ADAMTS14: variants seen among roughly 807,000 people sequenced by gnomAD.
ADAMTS14 encodes the protein A disintegrin and metalloproteinase with thrombospondin motifs 14.
A neutral mutation model predicts 128.6 loss-of-function variants in ADAMTS14; 100 were observed. The ratio of observed to expected loss-of-function variants is 0.78; its 90% CI spans 0.66 to 0.92. ADAMTS14 has a LOEUF of 0.92. ADAMTS14 is among the 40% of genes least tolerant of loss of function. The pLI is 0.00. For missense variants in ADAMTS14, 1,562 were observed against 1,658.6 expected (o/e 0.94, Z 1.01); for synonymous variants, 665 against 653.8 (o/e 1.02, Z -0.26).
rs1841557034 is a variant in ADAMTS14, at chr10:70,729,432, A to T, written c.954+55A>T. 2.1e-6 allele frequency: 3 copies of T among 1,447,202 alleles called. No homozygotes were observed. In the East Asian group the frequency reaches 6.8e-5, roughly 33 times the overall value. 89.6% of individuals were successfully genotyped at this position (1,447,202 alleles called of 1,614,324 possible). The stretch of plus-strand genomic sequence containing the variant: ...GCGGGGAGAAGGGTTGTGGGGCCAG[A>T]GTGTTGGACCAGCAATGGTGTGGGC... On this transcript the variant is annotated intron_variant, in intron 5 of 21. Coordinates refer to ENST00000373207, the MANE Select transcript of ADAMTS14 (RefSeq NM_080722.4).
chr10:70,694,861 A>T (rs1464120761), intron 2 of ADAMTS14, among the ~76,000 whole-genome samples: 3 of 152,186 alleles, frequency 2.0e-5, no homozygotes, highest in South Asian at 2.1e-4. Context: ...TTGCGTGGAC[A>T]TATGTTTTCT....
At chr10:70,719,574 ATTT>A (rs1241539492) in intron 4 of ADAMTS14, among the ~76,000 whole-genome samples, 2 of 143,558 alleles carry the variant, frequency 1.4e-5, no homozygotes, top group Non-Finnish European at 1.6e-5. Flanking sequence ...GCTAATTTTT[ATTT>A]TTTTTTTTAA....
chr10:70,708,052 C>T (rs965903819), intron 3 of ADAMTS14, among the ~76,000 whole-genome samples: 4 of 152,176 alleles, frequency 2.6e-5, no homozygotes, highest in Non-Finnish European at 4.4e-5. Flanking sequence ...GGCAGAGCAG[C>T]GATGGTGAAA....
chr10:70,681,230 T>C (rs1371491763), intron 2 of ADAMTS14, among the ~76,000 whole-genome samples: 1 of 152,112 alleles, frequency 6.6e-6, no homozygotes, highest in Non-Finnish European at 1.5e-5. Flanking sequence ...AGGGGTGGCT[T>C]GGAGGTGAGT....
chr10:70,674,061 C>T (rs757967285), intron 1 of ADAMTS14, among the ~76,000 whole-genome samples: 19 of 152,296 alleles, frequency 1.2e-4, no homozygotes, highest in African/African-American at 3.6e-4. Context: ...CTCCTTGACA[C>T]GTGCCCATGG....
chr10:70,753,297 G>A (rs1842399939), intron 18 of ADAMTS14, among the ~76,000 whole-genome samples: 1 of 152,216 alleles, frequency 6.6e-6, no homozygotes, highest in Non-Finnish European at 1.5e-5. Flanking sequence ...CACCAGCATA[G>A]CTACTCTATG....
At chr10:70,710,919 C>G (rs1564532170) in intron 4 of ADAMTS14, among the ~76,000 whole-genome samples, 1 of 152,268 alleles carries the variant, frequency 6.6e-6, no homozygotes, top group South Asian at 2.1e-4. Flanking sequence ...CCCTTGGAAA[C>G]ATTGGTAGGG....
At chr10:70,687,081 G>T (rs1289521031) in intron 2 of ADAMTS14, among the ~76,000 whole-genome samples, 1 of 116,210 alleles carries the variant, frequency 8.6e-6, no homozygotes, top group East Asian at 3.3e-4. Flanking sequence ...CCTCCCTCCC[G>T]GACGGGGCGG....
intron 5 of ADAMTS14, 73 bp downstream of exon 5, chr10:70,729,450 G>T (rs570771760): frequency 7.9e-7 from 1 of 1,272,316 alleles, no homozygotes; most frequent in Admixed American, 1.7e-5. Flanking sequence ...ACCAGCAATG[G>T]TGTGGGCTGC....
chr10:70,685,474 C>T (rs1359261482), intron 2 of ADAMTS14, among the ~76,000 whole-genome samples: 1 of 152,214 alleles, frequency 6.6e-6, no homozygotes, highest in Non-Finnish European at 1.5e-5. Flanking sequence ...ACCATTCGCC[C>T]TGACTTTGGC....
rs555015127 is a variant in ADAMTS14, at chr10:70,751,349, C to T, written c.2428-129C>T. 1.4e-4 allele frequency: 128 copies of T among 926,766 alleles called. 1 individual carries two copies. In the South Asian group the frequency reaches 1.8e-3, roughly 13 times the overall value. 57.4% of individuals were successfully genotyped at this position (926,766 alleles called of 1,614,324 possible). A position where few individuals can be genotyped will look rare whatever the true frequency, so the allele number is the denominator to read the frequency against. ...CCTACCATACCCCAGCCATGCTGGG[C>T]ACAACCTCATCCTAGCTTTCACAGG... On this transcript the variant is annotated intron_variant, in intron 16 of 21. Transcript: ENST00000373207.
In ADAMTS14 at chr10:70,672,521, T is replaced by C. The variant is rs1839511570; in HGVS notation, c.-282T>C. Among the ~76,000 whole-genome samples the C allele has an allele frequency of 6.6e-6, 1 of 150,378 alleles. No individual in the cohort carries two copies. The highest frequency in any genetic ancestry group is 2.4e-5 in the African/African-American group (1 of 41,222). On this transcript the variant is annotated 5_prime_UTR_variant, in exon 1 of 22. Coordinates refer to ENST00000373207, the MANE Select transcript of ADAMTS14 (RefSeq NM_080722.4). ...CCGGAGCGTCACTGCGCGGGCGGGCTGACCGACCAGCCGGCAGTTGGCACC... is the reference window on the plus strand; with the variant it reads ...CCGGAGCGTCACTGCGCGGGCGGGCCGACCGACCAGCCGGCAGTTGGCACC...
intron 4 of ADAMTS14, among the ~76,000 whole-genome samples, chr10:70,713,300 T>C (rs1382350239): frequency 1.4e-5 from 2 of 140,236 alleles, no homozygotes; most frequent in Non-Finnish European, 3.1e-5. Context: ...GGTGCTGTGC[T>C]ACCTCTGTGG....
At chr10:70,735,404 G>C in intron 9 of ADAMTS14, 103 bp downstream of exon 9, 1 of 1,464,158 alleles carries the variant, frequency 6.8e-7, no homozygotes, top group Non-Finnish European at 9.1e-7. Context: ...CAGCTGGCCA[G>C]TGGGCCTGGT....
At chr10:70,749,696 G>A in intron 15 of ADAMTS14, 126 bp from the exon 16 acceptor site, 2 of 1,222,096 alleles carry the variant, frequency 1.6e-6, no homozygotes, top group Non-Finnish European at 2.3e-6. Context: ...GGGCTTGGGT[G>A]GGAAGGAAAG....
At chr10:70,685,818 G>A (rs2132546604) in intron 2 of ADAMTS14, among the ~76,000 whole-genome samples, 1 of 152,312 alleles carries the variant, frequency 6.6e-6, no homozygotes, top group Non-Finnish European at 1.5e-5. Flanking sequence ...TCTAATGGTG[G>A]TGGGAGGTGA....
intron 4 of ADAMTS14, among the ~76,000 whole-genome samples, chr10:70,724,389 A>C (rs920459757): frequency 6.6e-6 from 1 of 152,178 alleles, no homozygotes; most frequent in Non-Finnish European, 1.5e-5. Context: ...CTCGTGCCCA[A>C]CCATGGGAAG....
At chr10:70,745,571 T>C in intron 15 of ADAMTS14, 1 of 482,528 alleles carries the variant, frequency 2.1e-6, no homozygotes, top group Admixed American at 3.3e-5. Context: ...TTTTCTTCCC[T>C]AAGGGCAACT....
At chr10:70,697,421 C>A (rs1444184944) in intron 2 of ADAMTS14, among the ~76,000 whole-genome samples, 1 of 152,220 alleles carries the variant, frequency 6.6e-6, no homozygotes, top group Non-Finnish European at 1.5e-5. Flanking sequence ...TCTGTACCTG[C>A]CCATGTCTGA....
Sources: allele counts gnomAD v4.1 joint callset (sites outside exome capture counted in the v4.1 genomes callset), GRCh38; gene constraint gnomAD v4.1.1; transcripts MANE v1.5; gene names NCBI Gene and HGNC (gene_info 2026-07-23, HGNC 2026-07-21).